The following PSMA6 variants were observed in gnomAD, a reference collection of about 807,000 sequenced individuals.
PSMA6 encodes proteasome 20S subunit alpha 6.
For missense variants in PSMA6, 170 were observed against 294.8 expected, an observed-to-expected ratio of 0.58 and a Z score of 3.10; for synonymous variants, 88 against 97.7, an observed-to-expected ratio of 0.90 and a Z score of 0.59.
At position 35,293,658 on chromosome 14, in the gene PSMA6, T is replaced by C. The variant is rs143761592; in HGVS notation, c.76+1106T>C. Among the ~76,000 whole-genome samples the C allele has an allele frequency of 1.1e-3, 168 of 152,362 alleles. 1 individual carries two copies. Among genetic ancestry groups the C allele is most frequent in the African/African-American group, 3.7e-3 (155 of 41,586 alleles). On this transcript the variant is annotated intron_variant, in intron 1 of 6. Transcript: ENST00000261479. The stretch of plus-strand genomic sequence containing the variant: ...AGTGTATATAATGTAGCAAGAAACA[T>C]CTTGTTGGATAATTCAGTAGCCCTT...
chr14:35,313,173 A>G, intron 5 of PSMA6, 114 bp downstream of exon 5: 1 of 1,012,842 alleles, frequency 9.9e-7, no homozygotes, highest in Non-Finnish European at 1.4e-6. Flanking sequence ...CAAGTTGTCA[A>G]CTTAATAATG....
chr14:35,311,393 A>G (rs1266086224), intron 4 of PSMA6, among the ~76,000 whole-genome samples: 1 of 152,220 alleles, frequency 6.6e-6, no homozygotes, highest in Non-Finnish European at 1.5e-5. Flanking sequence ...GATGTAATAA[A>G]TTAGCCTGAA....
chr14:35,313,455 T>C (rs2051982862), intron 5 of PSMA6: 1 of 156,148 alleles, frequency 6.4e-6, no homozygotes, highest in Non-Finnish European at 1.4e-5. Context: ...AGATTTTGGG[T>C]GTAAGTCTGG....
chr14:35,297,257 C>G (rs1566554463), intron 1 of PSMA6, among the ~76,000 whole-genome samples: 1 of 150,856 alleles, frequency 6.6e-6, no homozygotes, highest in Non-Finnish European at 1.5e-5. Flanking sequence ...GCTCTGTCAC[C>G]CAGGCTGGAG....
At chr14:35,302,322 C>T (rs899859280) in intron 1 of PSMA6, among the ~76,000 whole-genome samples, 2 of 152,152 alleles carry the variant, frequency 1.3e-5, no homozygotes, top group Non-Finnish European at 2.9e-5. Context: ...TTCAGCCTCC[C>T]AAAGCAGTGG....
intron 1 of PSMA6, among the ~76,000 whole-genome samples, chr14:35,284,976 T>C (rs1346171314): frequency 6.6e-6 from 1 of 152,186 alleles, no homozygotes; most frequent in Non-Finnish European, 1.5e-5. Flanking sequence ...TTGCCTTTGT[T>C]TCACCATTAT....
chr14:35,310,836 G>T lies in PSMA6; in HGVS notation c.350G>T (p.Arg117Ile). 6.2e-7 allele frequency: 1 copy of T among 1,613,766 alleles called. No individual in the cohort carries two copies. Among genetic ancestry groups the T allele is most frequent in the Non-Finnish European group, 8.5e-7 (1 of 1,179,878 alleles). ...YEIPVDMLCK[R>I]IADISQVYTQ... ...ATTCCTGTGGACATGCTGTGTAAAAGAATTGCCGATATTTCTCAGGTCTAC... is the reference window on the plus strand; with the variant it reads ...ATTCCTGTGGACATGCTGTGTAAAATAATTGCCGATATTTCTCAGGTCTAC... The change falls in exon 4 of 7, where the codon AGA (arginine) becomes ATA (isoleucine). Residue 117 changes from arginine to isoleucine, a missense_variant. Transcript: ENST00000261479.
At chr14:35,313,365 G>T in intron 5 of PSMA6, 1 of 225,874 alleles carries the variant, frequency 4.4e-6, no homozygotes, top group African/African-American at 2.3e-5. Flanking sequence ...TTGAGAGGCT[G>T]AAGCTGGAGG....
At chr14:35,292,867 C>T in intron 1 of PSMA6, 1 of 520,444 alleles carries the variant, frequency 1.9e-6, no homozygotes, top group Non-Finnish European at 3.6e-6. Flanking sequence ...TCTGTCCTGG[C>T]CAGGCACAAG....
chr14:35,278,609 C>A, upstream of PSMA6: 1 of 1,361,030 alleles, frequency 7.3e-7, no homozygotes, highest in South Asian at 1.3e-5. Flanking sequence ...CGATTCCATC[C>A]ATGCGGCTCT....
intron 6 of PSMA6, 51 bp downstream of exon 6, chr14:35,314,506 G>C: frequency 6.5e-7 from 1 of 1,549,708 alleles, no homozygotes; most frequent in Non-Finnish European, 8.8e-7. Context: ...AGGCGTGTGA[G>C]TCCATGTGTC....
intron 1 of PSMA6, among the ~76,000 whole-genome samples, chr14:35,306,186 G>A (rs1379286080): frequency 6.6e-6 from 1 of 151,932 alleles, no homozygotes; most frequent in African/African-American, 2.4e-5. Context: ...CTATGATCAT[G>A]CCCTGGTGCT....
At chr14:35,290,218 C>G (rs973518680), upstream of PSMA6, among the ~76,000 whole-genome samples, 2 of 152,154 alleles carry the variant, frequency 1.3e-5, no homozygotes, top group Non-Finnish European at 2.9e-5. Context: ...CAGTATAGAG[C>G]CAGCTGTTGA....
upstream of PSMA6, among the ~76,000 whole-genome samples, chr14:35,288,096 TTAACA>T (rs1341577402): frequency 6.6e-6 from 1 of 152,106 alleles, no homozygotes; most frequent in African/African-American, 2.4e-5. Flanking sequence ...AGAAAAACAA[TTAACA>T]TAATAGAAAA....
chr14:35,280,283 TACA>T (rs1015335648), intron 1 of PSMA6, among the ~76,000 whole-genome samples: 4 of 151,590 alleles, frequency 2.6e-5, no homozygotes, highest in African/African-American at 4.8e-5. Flanking sequence ...CTACTAAAAA[TACA>T]ACAACAACAA....
At chr14:35,289,771 A>T (rs573309542), upstream of PSMA6, among the ~76,000 whole-genome samples, 10 of 152,214 alleles carry the variant, frequency 6.6e-5, no homozygotes, top group African/African-American at 2.4e-4. Context: ...AATTTTTTTT[A>T]AACTAGCCAG....
At chr14:35,303,871 T>C (rs2051766954) in intron 1 of PSMA6, among the ~76,000 whole-genome samples, 1 of 152,218 alleles carries the variant, frequency 6.6e-6, no homozygotes, top group Non-Finnish European at 1.5e-5. Flanking sequence ...ATTTACATTG[T>C]ATTAGCTAGT....
intron 1 of PSMA6, among the ~76,000 whole-genome samples, chr14:35,286,940 ACCTCATGTAAGTTG>A (rs1399634567): frequency 6.6e-6 from 1 of 151,966 alleles, no homozygotes; most frequent in Non-Finnish European, 1.5e-5. Flanking sequence ...GAGAAGCATA[ACCTCATGTAAGTTG>A]CCTCATGTAA....
intron 1 of PSMA6, among the ~76,000 whole-genome samples, chr14:35,307,324 T>C (rs2051847414): frequency 6.6e-6 from 1 of 152,022 alleles, no homozygotes; most frequent in Non-Finnish European, 1.5e-5. Context: ...CTAGAAAAAA[T>C]TTAAAGCAGC....
Sources: allele counts gnomAD v4.1 joint callset (sites outside exome capture counted in the v4.1 genomes callset), GRCh38; gene constraint gnomAD v4.1.1; transcripts MANE v1.5; gene names NCBI Gene and HGNC (gene_info 2026-07-23, HGNC 2026-07-21).